COL6A2: variants seen among roughly 807,000 people sequenced by gnomAD.
COL6A2 encodes the protein collagen type VI alpha 2 chain.
Under a neutral mutation model 124.9 loss-of-function variants are expected in COL6A2, and 90 were observed. The observed-to-expected ratio is 0.72, with a 90% CI of 0.61 to 0.86. The LOEUF (loss-of-function observed/expected upper bound fraction) is 0.86. Among genes scored for constraint, COL6A2 ranks in the 40% least tolerant of loss-of-function variants. The pLI is 0.00. For synonymous variants in COL6A2, 793 were observed against 618.2 expected, an observed-to-expected ratio of 1.28 and a Z score of -4.19; for missense variants, 1,607 against 1,502.5, an observed-to-expected ratio of 1.07 and a Z score of -1.15.
chr21:46,119,783 TGCAGGGGC>T lies in COL6A2; in HGVS notation c.1273_1280del (p.Arg426ProfsTer22). 6.4e-7 allele frequency: 1 copy of T among 1,558,930 alleles called. No homozygotes were observed. ...CTCCCTCACCCACACGCCTGTTCTC[TGCAGGGGC>T]GCAGGGGAGACCCCGGCACCAAGGG... On this transcript the variant is annotated splice_acceptor_variant and splice_polypyrimidine_tract_variant and coding_sequence_variant and intron_variant, in exon 15 of 28. Coordinates refer to ENST00000300527, the MANE Select transcript of COL6A2 (RefSeq NM_001849.4). LOFTEE classifies it high-confidence loss of function.
At chr21:46,124,141 A>G (rs58459980) in intron 21 of COL6A2, among the ~76,000 whole-genome samples, 13,119 of 142,758 alleles carry the variant, frequency 0.092, 530 homozygotes, top group Middle Eastern at 0.11. Context: ...ATAGATGGGT[A>G]AGTGAGTGGA....
intron 5 of COL6A2, among the ~76,000 whole-genome samples, chr21:46,115,231 G>C (rs2078454235): frequency 6.6e-6 from 1 of 152,226 alleles, no homozygotes; most frequent in African/African-American, 2.4e-5. Context: ...GCCAAGCGGA[G>C]CCCAGGACAG....
rs1601197039 is a variant in COL6A2, at chr21:46,098,423, G to A, written c.-28+250G>A. Reference sequence around the variant, plus strand: ...CGCGACTTGGGGCCACCTCCCCGCGGCCTCCTCTGGGGCGGAGCCGGCCTG... The same window carrying A: ...CGCGACTTGGGGCCACCTCCCCGCGACCTCCTCTGGGGCGGAGCCGGCCTG... On this transcript the variant is annotated intron_variant, in intron 1 of 27. Coordinates refer to ENST00000300527, the MANE Select transcript of COL6A2 (RefSeq NM_001849.4). 2.1e-5 allele frequency among the ~76,000 whole-genome samples: 3 copies of A among 145,446 alleles called. No homozygotes were observed. The East Asian group carries it at 6.3e-4, about 30-fold the overall frequency.
chr21:46,128,705 G>A (rs1265812849), intron 27 of COL6A2, among the ~76,000 whole-genome samples: 1 of 152,214 alleles, frequency 6.6e-6, no homozygotes, highest in African/African-American at 2.4e-5. Context: ...GAAAGAAAAG[G>A]CAGAGACGTT....
In COL6A2 at chr21:46,125,921, G is replaced by A; in HGVS notation, c.2106G>A (p.Trp702Ter). 1.9e-6 allele frequency: 3 copies of A among 1,613,166 alleles called. No homozygotes were observed. The highest frequency in any genetic ancestry group is 2.5e-6 in the Non-Finnish European group (3 of 1,179,948). ...TCGAGTGGATTGCGGGCGGCACCTGGACACCCTCAGCCCTCAAGTTTGCCT... is the reference window on the plus strand; with the variant it reads ...TCGAGTGGATTGCGGGCGGCACCTGAACACCCTCAGCCCTCAAGTTTGCCT... ...KNLEWIAGGT[W>*]TPSALKFAYD... Residue 702 changes from tryptophan (W) to a stop codon, truncating the protein, a stop_gained, in exon 26 of 28, where the codon TGG becomes TGA. Transcript: ENST00000300527. LOFTEE classifies it high-confidence loss of function.
In COL6A2 at chr21:46,125,270, G is replaced by A; in HGVS notation, c.1775G>A (p.Cys592Tyr). 6.2e-7 allele frequency: 1 copy of A among 1,612,236 alleles called. No homozygotes were observed. The highest frequency in any genetic ancestry group is 1.1e-5 in the South Asian group (1 of 90,912). Residue 592 changes from cysteine to tyrosine, a missense_variant, in exon 24 of 28, where the codon TGT becomes TAT. Physicochemically the swap from Cys to Tyr is radical, Grantham distance 194 (BLOSUM62 -2). Transcript: ENST00000300527. ...TGCCTGCCGTGTGCATTGCAGGAGT[G>A]TGACGTCATGACCTACGTGAGGGAG... ...GPPGDPGLTE[C>Y]DVMTYVRETC...
At chr21:46,130,617 T>C (rs2078747955) in intron 27 of COL6A2, among the ~76,000 whole-genome samples, 1 of 152,084 alleles carries the variant, frequency 6.6e-6, no homozygotes, top group South Asian at 2.1e-4. Context: ...CCCCACAGCT[T>C]CCCCGTCTCC....
rs1336461553 is a variant in COL6A2 at position 46,118,001 on chromosome 21, A to G, written c.1116+65A>G. The G allele has an allele frequency of 1.9e-5, 29 of 1,494,062 alleles. No homozygotes were observed. The East Asian group carries it at 5.7e-4, about 30-fold the overall frequency. The allele number at this position is 1,494,062 out of a possible 1,614,324, so 92.6% of individuals were successfully genotyped here. On this transcript the variant is annotated intron_variant, in intron 12 of 27. Transcript: ENST00000300527. ...CAGCTTCCAGGGGCCTCCTGGAGGC[A>G]GCCCCAGCTGAGAAGCTGAGCAGAG...
rs752888936 is a variant in COL6A2 at position 46,126,107 on chromosome 21, C to G, written c.2292C>G (p.His764Gln). Residue 764 changes from histidine (H) to glutamine (Q), a missense_variant, in exon 26 of 28, where the codon CAC becomes CAG. Around this residue, in one of 3 missense-constraint regions of COL6A2, gnomAD observed 1,223 missense variants for 1,052.2 expected, o/e 1.16. Transcript: ENST00000300527. ...VTAIGIGDMF[H>Q]EKHESENLYS... Reference sequence around the variant, plus strand: ...CCATCGGCATCGGGGACATGTTCCACGAGAAGCACGAGAGTGAAAACCTCT... The same window carrying G: ...CCATCGGCATCGGGGACATGTTCCAGGAGAAGCACGAGAGTGAAAACCTCT... 1.2e-6 allele frequency: 2 copies of G among 1,612,646 alleles called. No individual in the cohort carries two copies. Among genetic ancestry groups the G allele is most frequent in the South Asian group, 2.2e-5 (2 of 91,086 alleles).
chr21:46,120,287 G>C (rs1461262546), intron 15 of COL6A2, among the ~76,000 whole-genome samples: 1 of 152,168 alleles, frequency 6.6e-6, no homozygotes, highest in Non-Finnish European at 1.5e-5. Context: ...TCCTACCCAC[G>C]TGTGGGTGGC....
intron 27 of COL6A2, among the ~76,000 whole-genome samples, chr21:46,131,150 A>C (rs2078755357): frequency 6.6e-6 from 1 of 152,044 alleles, no homozygotes; most frequent in African/African-American, 2.4e-5. Context: ...CCCCTCCCCC[A>C]TCCCAGGAGC....
chr21:46,125,138 G>A (rs914029012), intron 23 of COL6A2, 128 bp from the exon 24 acceptor site: 21 of 1,078,880 alleles, frequency 1.9e-5, no homozygotes, highest in Middle Eastern at 2.2e-4. Context: ...GACAGGACCC[G>A]CCAGCCTCCC....
chr21:46,116,535 C>T lies in COL6A2; in HGVS notation c.928-116C>T. 1 of 1,575,352 alleles carries T rather than the reference C, an allele frequency of 6.3e-7. No homozygotes were observed. The highest frequency in any genetic ancestry group is 8.7e-7 in the Non-Finnish European group (1 of 1,150,082). On this transcript the variant is annotated intron_variant, in intron 8 of 27. Coordinates refer to ENST00000300527, the MANE Select transcript of COL6A2 (RefSeq NM_001849.4). The surrounding 1 kb of genome is among the most constrained non-coding windows in gnomAD (Gnocchi z 4.6). ...CTTTTCTCAGTGGTGGCTTTGGGGGCTCCTGGGGGGTCCTGTGGCCTTGAG... is the reference window on the plus strand; with the variant it reads ...CTTTTCTCAGTGGTGGCTTTGGGGGTTCCTGGGGGGTCCTGTGGCCTTGAG...
chr21:46,130,158 G>A (rs540668828), intron 27 of COL6A2, among the ~76,000 whole-genome samples: 1 of 152,294 alleles, frequency 6.6e-6, no homozygotes, highest in Admixed American at 6.5e-5. Flanking sequence ...TATCTGGGCT[G>A]GTGTCATGCA....
rs757603350 is a variant in COL6A2 at position 46,125,302 on chromosome 21, G to A, written c.1807G>A (p.Gly603Arg). ...DVMTYVRETCGCCDCEKRCGA... is the reference protein window; with the variant it reads ...DVMTYVRETCRCCDCEKRCGA... ...CATGACCTACGTGAGGGAGACCTGC[G>A]GGTGCTGCGGTGAGGCACTGCCCAC... The change falls in exon 24 of 28, where the codon GGG becomes AGG. Residue 603 changes from glycine (G) to arginine (R), a missense_variant. By Grantham distance (125) the Gly-to-Arg change is moderately radical (BLOSUM62 -2). Transcript: ENST00000300527. The A allele has an allele frequency of 1.3e-5, 21 of 1,611,230 alleles. No individual in the cohort carries two copies. The Admixed American group carries it at 2.0e-4, about 15-fold the overall frequency.
intron 1 of COL6A2, among the ~76,000 whole-genome samples, chr21:46,109,797 C>T (rs1306961958): frequency 1.3e-5 from 2 of 152,216 alleles, no homozygotes; most frequent in Non-Finnish European, 2.9e-5. Context: ...GGAACAGGCA[C>T]CTCCAGGCCT....
Position 46,122,932 on chromosome 21 carries a change from G to C in COL6A2, c.1666G>C (p.Glu556Gln). The change falls in exon 21 of 28, where the codon GAG (glutamate) becomes CAG (glutamine). Residue 556 changes from glutamate to glutamine, a missense_variant. By Grantham distance (29) the Glu-to-Gln change is conservative (BLOSUM62 2). Around this residue, in one of 3 missense-constraint regions of COL6A2, gnomAD observed 1,223 missense variants for 1,052.2 expected, o/e 1.16. Coordinates refer to ENST00000300527, the MANE Select transcript of COL6A2 (RefSeq NM_001849.4). The stretch of plus-strand genomic sequence containing the variant: ...ACCTGGGAGGAAAGGAGAGAAAGGA[G>C]AGCCTGTGAGTGTCACCGTCCCGAA... ...GEPGRKGEKG[E>Q]PADPGPPGEP... The C allele has an allele frequency of 2.5e-6, 4 of 1,613,246 alleles. No individual in the cohort carries two copies. Among genetic ancestry groups the C allele is most frequent in the Admixed American group, 1.7e-5 (1 of 60,008 alleles).
intron 20 of COL6A2, 45 bp from the exon 21 acceptor site, chr21:46,122,830 G>A (rs2078587900): frequency 6.3e-7 from 1 of 1,582,798 alleles, no homozygotes; most frequent in Non-Finnish European, 8.7e-7. Context: ...GTCCCTGGTA[G>A]AGACAGCTCC....
At chr21:46,110,210 G>A (rs370803845) in intron 1 of COL6A2, among the ~76,000 whole-genome samples, 9 of 152,290 alleles carry the variant, frequency 5.9e-5, no homozygotes, top group African/African-American at 2.2e-4. Flanking sequence ...GCGGGGTTGG[G>A]GGCCTGTCTG....
Sources: allele counts gnomAD v4.1 joint callset (sites outside exome capture counted in the v4.1 genomes callset), GRCh38; gene constraint gnomAD v4.1.1; regional missense constraint gnomAD v4.1.1; non-coding constraint Gnocchi (gnomAD v3.1); transcripts MANE v1.5; gene names NCBI Gene and HGNC (gene_info 2026-07-23, HGNC 2026-07-21).